Variants in USO1 observed in about 807,000 individuals in gnomAD.
USO1 encodes USO1 vesicle transport factor, also known as general vesicular transport factor p115.
USO1 carries 57 observed loss-of-function variants against 124.5 expected under a neutral mutation model. That is an observed-to-expected ratio of 0.46 (90% CI 0.37 to 0.57). The LOEUF (loss-of-function observed/expected upper bound fraction) is 0.57. Ranked by LOEUF, USO1 falls within the 20% of genes least tolerant of loss-of-function variation. The pLI is 0.00. For synonymous variants in USO1, 369 were observed against 362.8 expected (o/e 1.02, Z -0.19); for missense variants, 900 against 1,040.6 (o/e 0.86, Z 1.86).
chr4:75,808,686 C>T (rs1025881657), intron 20 of USO1, among the ~76,000 whole-genome samples: 4 of 151,006 alleles, frequency 2.6e-5, no homozygotes, highest in Non-Finnish European at 5.9e-5. Context: ...TTCCTCTCTC[C>T]CTCCCATCCT....
chr4:75,812,475 A>G (rs889309540), intron 23 of USO1, 100 bp downstream of exon 23: 3 of 1,408,120 alleles, frequency 2.1e-6, no homozygotes, highest in Non-Finnish European at 2.8e-6. Flanking sequence ...CCTGTATTAT[A>G]GGAATGGATA....
chr4:75,782,075 G>A (rs1311546126), intron 8 of USO1, among the ~76,000 whole-genome samples: 1 of 152,192 alleles, frequency 6.6e-6, no homozygotes, highest in Non-Finnish European at 1.5e-5. Context: ...CACCTGCAGA[G>A]CTGTAAGGAA....
At chr4:75,743,807 C>T (rs1324211860) in intron 1 of USO1, among the ~76,000 whole-genome samples, 8 of 152,070 alleles carry the variant, frequency 5.3e-5, no homozygotes, top group South Asian at 2.1e-4. Context: ...GACAGAGTCT[C>T]GCTCTGTCAC....
At chr4:75,770,780 G>T in intron 5 of USO1, 42 bp from the exon 6 acceptor site, 1 of 1,575,978 alleles carries the variant, frequency 6.3e-7, no homozygotes, top group Non-Finnish European at 8.6e-7. Flanking sequence ...TCTCGAAAAT[G>T]TGAATTACAG....
chr4:75,811,450 A>C (rs1723147048), intron 22 of USO1, among the ~76,000 whole-genome samples: 1 of 152,046 alleles, frequency 6.6e-6, no homozygotes, highest in Non-Finnish European at 1.5e-5. Flanking sequence ...GAGCCACCAC[A>C]CCCGGCCTGT....
At chr4:75,726,455 C>T (rs2149133760) in intron 1 of USO1, among the ~76,000 whole-genome samples, 1 of 152,030 alleles carries the variant, frequency 6.6e-6, no homozygotes, top group South Asian at 2.1e-4. Flanking sequence ...TTAACTGCAG[C>T]TAGTCGCAGT....
At chr4:75,764,042 T>C (rs554594844) in intron 4 of USO1, among the ~76,000 whole-genome samples, 1 of 152,184 alleles carries the variant, frequency 6.6e-6, no homozygotes, top group Non-Finnish European at 1.5e-5. Flanking sequence ...TCTCACACTT[T>C]TTCAAATTGA....
chr4:75,813,158 G>A (rs769346444), intron 23 of USO1, 48 bp from the exon 24 acceptor site: 2 of 1,558,444 alleles, frequency 1.3e-6, no homozygotes, highest in Non-Finnish European at 8.6e-7. Flanking sequence ...AATGTTGAAT[G>A]TGACATGAAC....
chr4:75,798,345 A>C (rs891426039), intron 13 of USO1, among the ~76,000 whole-genome samples: 1 of 152,218 alleles, frequency 6.6e-6, no homozygotes, highest in Admixed American at 6.5e-5. Context: ...ATGAACTTAT[A>C]TATAACCAGG....
Position 75,770,540 on chromosome 4 carries a change from G to A in USO1, c.396+1G>A. On this transcript the variant is annotated splice_donor_variant, in intron 5 of 23. Coordinates refer to ENST00000514213, the MANE Select transcript of USO1 (RefSeq NM_003715.4). LOFTEE classifies it high-confidence loss of function. ...CACTCTTCTGTTATCTTTATTGGAGGTAAATAGGGAACCTTGATGTTTTTG... is the reference window on the plus strand; with the variant it reads ...CACTCTTCTGTTATCTTTATTGGAGATAAATAGGGAACCTTGATGTTTTTG... 6.4e-7 allele frequency: 1 copy of A among 1,567,532 alleles called. No homozygotes were observed. Among genetic ancestry groups the A allele is most frequent in the Admixed American group, 1.9e-5 (1 of 52,230 alleles).
At chr4:75,794,396 A>G (rs1344710019) in intron 13 of USO1, among the ~76,000 whole-genome samples, 1 of 152,196 alleles carries the variant, frequency 6.6e-6, no homozygotes, top group East Asian at 1.9e-4. Context: ...TCCCCGGTGC[A>G]TATAATTTAC....
intron 3 of USO1, among the ~76,000 whole-genome samples, chr4:75,753,731 T>C (rs1359007119): frequency 2.0e-5 from 3 of 150,060 alleles, no homozygotes; most frequent in Non-Finnish European, 4.4e-5. Flanking sequence ...AAAATAAATA[T>C]AAATTTAAAG....
At chr4:75,747,675 TC>T (rs1237105542) in intron 1 of USO1, among the ~76,000 whole-genome samples, 1 of 140,024 alleles carries the variant, frequency 7.1e-6, no homozygotes. Context: ...AGTGGCGCAA[TC>T]TTGGCTCACT....
At chr4:75,738,956 G>A (rs1249839560) in intron 1 of USO1, among the ~76,000 whole-genome samples, 3 of 151,920 alleles carry the variant, frequency 2.0e-5, no homozygotes, top group African/African-American at 7.3e-5. Context: ...GGGTTCAAGC[G>A]ATTCTCCTGC....
intron 4 of USO1, among the ~76,000 whole-genome samples, chr4:75,760,976 G>A (rs938250175): frequency 5.9e-5 from 9 of 152,062 alleles, no homozygotes; most frequent in Non-Finnish European, 8.8e-5. Flanking sequence ...GTGAAACCCT[G>A]TCTCTACTAA....
At chr4:75,800,282 T>C in intron 14 of USO1, 69 bp from the exon 15 acceptor site, 1 of 1,492,866 alleles carries the variant, frequency 6.7e-7, no homozygotes, top group Non-Finnish European at 9.0e-7. Context: ...AGTATTAATG[T>C]ATGTCAAATT....
At chr4:75,767,043 A>G (rs1344501373) in intron 4 of USO1, among the ~76,000 whole-genome samples, 1 of 152,052 alleles carries the variant, frequency 6.6e-6, no homozygotes, top group African/African-American at 2.4e-5. Flanking sequence ...TACTTTCTTC[A>G]TTTGTTTGTC....
At chr4:75,811,336 A>G (rs966168005) in intron 22 of USO1, among the ~76,000 whole-genome samples, 3 of 152,088 alleles carry the variant, frequency 2.0e-5, no homozygotes, top group Non-Finnish European at 2.9e-5. Flanking sequence ...TTGTACTTTT[A>G]GTAGAGACGA....
In USO1 at chr4:75,813,493, T is replaced by C. The variant is rs1184944984; in HGVS notation, c.*198T>C. The C allele has an allele frequency of 1.5e-5, 7 of 457,718 alleles. No individual in the cohort carries two copies. Among genetic ancestry groups the C allele is most frequent in the Non-Finnish European group, 2.5e-5 (7 of 283,692 alleles). 28.4% of individuals were successfully genotyped at this position (457,718 alleles called of 1,614,324 possible). ...TGAATTTATGTAGAACACACATCTT[T>C]TATTTAAATCCATCTGAACTGTCCC... is the stretch of plus-strand genomic sequence containing the variant. On this transcript the variant is annotated 3_prime_UTR_variant, in exon 24 of 24. Transcript: ENST00000514213.
Sources: gnomAD v4.1 joint callset for allele counts (sites outside exome capture counted in the v4.1 genomes callset) on GRCh38, gnomAD v4.1.1 for gene constraint, MANE v1.5 for transcripts, NCBI Gene and HGNC (gene_info 2026-07-23, HGNC 2026-07-21) for gene names.